Variants in BBX observed in about 807,000 individuals in gnomAD.
BBX encodes BBX high mobility group box domain containing, also known as HMG box transcription factor BBX.
BBX carries 30 observed loss-of-function variants against 100.2 expected under a neutral mutation model. The observed-to-expected ratio is 0.30, with a 90% confidence interval of 0.22 to 0.41. BBX has a LOEUF of 0.41. Among genes scored for constraint, BBX ranks in the 10% least tolerant of loss-of-function variants. The pLI is 1.00. For missense variants in BBX, 1,023 were observed against 1,129.8 expected, an observed-to-expected ratio of 0.91 and a Z score of 1.35; for synonymous variants, 376 against 388.1, an observed-to-expected ratio of 0.97 and a Z score of 0.37.
intron 3 of BBX, among the ~76,000 whole-genome samples, chr3:107,676,889 T>G (rs1559953644): frequency 6.6e-6 from 1 of 152,138 alleles, no homozygotes; most frequent in African/African-American, 2.4e-5. Flanking sequence ...GCAGAGAAAT[T>G]TTATAAAAAC....
intron 2 of BBX, among the ~76,000 whole-genome samples, chr3:107,573,789 C>T (rs1020576898): frequency 2.6e-5 from 4 of 152,194 alleles, no homozygotes; most frequent in East Asian, 1.9e-4. Flanking sequence ...TGCAATGGCA[C>T]GATCTCAGCT....
At chr3:107,579,052 G>A (rs761781074) in intron 2 of BBX, among the ~76,000 whole-genome samples, 4 of 152,030 alleles carry the variant, frequency 2.6e-5, no homozygotes, top group East Asian at 1.9e-4. Flanking sequence ...CAGCTCTTTC[G>A]TAATGAGAGG....
At chr3:107,544,163 A>G (rs2049046570) in intron 2 of BBX, among the ~76,000 whole-genome samples, 1 of 152,242 alleles carries the variant, frequency 6.6e-6, no homozygotes, top group Admixed American at 6.5e-5. Context: ...ACCATCATTC[A>G]GCCCTGAACT....
chr3:107,690,891 C>CTTTTTTTTTT (rs1305340083), intron 3 of BBX, among the ~76,000 whole-genome samples: 13 of 72,312 alleles, frequency 1.8e-4, no homozygotes, highest in Non-Finnish European at 3.0e-4. Flanking sequence ...TGCCCCCCCC[C>CTTTTTTTTTT]CTTTTTTTTT....
At chr3:107,690,466 A>G (rs2060090619) in intron 3 of BBX, among the ~76,000 whole-genome samples, 1 of 152,188 alleles carries the variant, frequency 6.6e-6, no homozygotes. Flanking sequence ...AGCAGGGTTA[A>G]GAATCTTGCT....
In BBX at chr3:107,710,601, C is replaced by T. The variant is rs996767449; in HGVS notation, c.141C>T (p.Asp47=). The T allele has an allele frequency of 6.8e-6, 11 of 1,611,420 alleles. No individual in the cohort carries two copies. The highest frequency in any genetic ancestry group is 4.0e-5 in the African/African-American group (3 of 74,672). The change falls in exon 4 of 18, where the codon GAC becomes GAT. Residue 47 remains aspartate (D), a synonymous_variant. Transcript: ENST00000325805. ...LDFSEEEEEE[D]EEEDIDKVQL... ...TTTCAGAAGAGGAAGAAGAGGAAGA[C>T]GAAGAGGAGGATATTGATAAGGTAA...
chr3:107,523,954 G>A (rs1020781510), intron 1 of BBX, among the ~76,000 whole-genome samples: 1 of 150,774 alleles, frequency 6.6e-6, no homozygotes, highest in South Asian at 2.1e-4. Flanking sequence ...GGAAGAGGGC[G>A]AGGGAGAAGG....
intron 2 of BBX, among the ~76,000 whole-genome samples, chr3:107,620,790 G>A (rs1380072957): frequency 1.3e-5 from 2 of 152,080 alleles, no homozygotes; most frequent in Non-Finnish European, 2.9e-5. Context: ...GGGGGAGGTG[G>A]CCTCTTTACT....
intron 2 of BBX, among the ~76,000 whole-genome samples, chr3:107,534,659 A>G (rs747014514): frequency 6.6e-6 from 1 of 152,176 alleles, no homozygotes; most frequent in Non-Finnish European, 1.5e-5. Flanking sequence ...TCCTTTTGGT[A>G]TTTATCACTG....
At chr3:107,701,491 G>C (rs1014847916) in intron 3 of BBX, among the ~76,000 whole-genome samples, 2 of 152,220 alleles carry the variant, frequency 1.3e-5, no homozygotes, top group Admixed American at 1.3e-4. Context: ...TAAAATTTGT[G>C]ATGATGAAGC....
intron 3 of BBX, among the ~76,000 whole-genome samples, chr3:107,669,805 C>T (rs762299956): frequency 1.3e-5 from 2 of 151,944 alleles, no homozygotes; most frequent in Non-Finnish European, 2.9e-5. Flanking sequence ...TGAAGTAGGC[C>T]CTAGTCTACT....
intron 9 of BBX, among the ~76,000 whole-genome samples, chr3:107,750,321 A>G (rs2064980783): frequency 6.6e-6 from 1 of 152,302 alleles, no homozygotes; most frequent in South Asian, 2.1e-4. Flanking sequence ...TTAATTTGAA[A>G]ACTTATTAGG....
intron 2 of BBX, among the ~76,000 whole-genome samples, chr3:107,553,954 CT>C (rs2049891265): frequency 6.6e-6 from 1 of 150,776 alleles, no homozygotes; most frequent in Middle Eastern, 3.2e-3. Flanking sequence ...GTTTTTTTTT[CT>C]TCTGGATTCT....
chr3:107,792,519 G>T (rs1032708857), intron 15 of BBX, among the ~76,000 whole-genome samples: 23 of 152,142 alleles, frequency 1.5e-4, no homozygotes, highest in African/African-American at 5.1e-4. Flanking sequence ...AAGTATTTTT[G>T]ATTTAGTAGG....
intron 3 of BBX, among the ~76,000 whole-genome samples, chr3:107,698,978 C>T (rs2060858226): frequency 6.6e-6 from 1 of 151,712 alleles, no homozygotes; most frequent in Non-Finnish European, 1.5e-5. Context: ...AGGAAAAGGA[C>T]TATGGGCAGG....
At chr3:107,698,348 T>G (rs1182831286) in intron 3 of BBX, among the ~76,000 whole-genome samples, 1 of 151,784 alleles carries the variant, frequency 6.6e-6, no homozygotes, top group Non-Finnish European at 1.5e-5. Context: ...AATGTATGAT[T>G]GCTCTTAAAA....
chr3:107,601,461 C>G (rs1313485409), intron 2 of BBX, among the ~76,000 whole-genome samples: 1 of 152,212 alleles, frequency 6.6e-6, no homozygotes. Flanking sequence ...AAAAGTACTA[C>G]TTCAGTGAAC....
intron 13 of BBX, among the ~76,000 whole-genome samples, chr3:107,786,525 G>T (rs952840703): frequency 5.3e-5 from 8 of 151,990 alleles, no homozygotes. Flanking sequence ...TTTCAACAAG[G>T]GTGCCAAGAA....
chr3:107,590,115 T>C (rs898952031), intron 2 of BBX, among the ~76,000 whole-genome samples: 17 of 152,338 alleles, frequency 1.1e-4, no homozygotes, highest in South Asian at 2.1e-4. Flanking sequence ...AAAATATTTT[T>C]ATAAATAATC....
Sources: gnomAD v4.1 joint callset for allele counts (sites outside exome capture counted in the v4.1 genomes callset) on GRCh38, gnomAD v4.1.1 for gene constraint, MANE v1.5 for transcripts, NCBI Gene and HGNC (gene_info 2026-07-23, HGNC 2026-07-21) for gene names.